The following CHST8 variants were observed in gnomAD, a reference collection of about 807,000 sequenced individuals.
CHST8 encodes GALNAC-4-ST1.
CHST8 carries 10 observed loss-of-function variants against 15.0 expected under a neutral mutation model. The observed-to-expected ratio is 0.67, with a 90% CI of 0.41 to 1.13. The LOEUF (loss-of-function observed/expected upper bound fraction) is 1.13. Ranked by LOEUF, CHST8 falls within the 50% of genes most tolerant of loss-of-function variation. The probability of loss-of-function intolerance (pLI) is 0.00; values close to 1 mark genes in which losing one functional copy is unlikely to be tolerated. For synonymous variants in CHST8, 259 were observed against 256.6 expected (o/e 1.01, Z -0.09); for missense variants, 634 against 608.2 (o/e 1.04, Z -0.45).
At chr19:33,727,124 G>A (rs1284243932) in intron 3 of CHST8, among the ~76,000 whole-genome samples, 1 of 151,830 alleles carries the variant, frequency 6.6e-6, no homozygotes, top group East Asian at 1.9e-4. Context: ...CACGCGTCCT[G>A]CTCCCCAGGT....
chr19:33,654,563 T>C (rs1392162368), intron 1 of CHST8, among the ~76,000 whole-genome samples: 2 of 152,094 alleles, frequency 1.3e-5, no homozygotes, highest in African/African-American at 4.8e-5. Flanking sequence ...GTTCATCAGT[T>C]TGGGACTTAT....
chr19:33,671,801 A>G (rs756909640), intron 2 of CHST8, among the ~76,000 whole-genome samples: 16 of 151,646 alleles, frequency 1.1e-4, no homozygotes, highest in Middle Eastern at 3.2e-3. Context: ...GTGGAATTCT[A>G]TGAGGGCAGG....
rs763896755 is a variant in CHST8 at position 33,626,772 on chromosome 19, C to CT, written c.-164+4485dup. Among the ~76,000 whole-genome samples, 1,358 of 142,138 alleles carry CT rather than the reference C, an allele frequency of 9.6e-3. 13 individuals are homozygous for CT. The highest frequency in any genetic ancestry group is 0.016 in the Non-Finnish European group (1,035 of 65,612). 93.2% of individuals were successfully genotyped at this position (142,138 alleles called of 152,430 possible). A position where few individuals can be genotyped will look rare whatever the true frequency, so the allele number is the denominator to read the frequency against. Reference sequence around the variant, plus strand: ...GCAGAATTGTGAGCCAAATAAGCCGCTTTTTTTTTCCTTTTTTTTTTTTTT... The same window carrying CT: ...GCAGAATTGTGAGCCAAATAAGCCGCTTTTTTTTTTCCTTTTTTTTTTTTTT... On this transcript the variant is annotated intron_variant, in intron 1 of 4. Coordinates refer to ENST00000650847, the MANE Select transcript of CHST8 (RefSeq NM_001127895.2).
Position 33,689,329 on chromosome 19 carries a change from C to T in CHST8, c.68C>T (p.Ala23Val). Reference sequence around the variant, plus strand: ...TCTTCCATCCTGCTGTTCGGAGCTGCAGGCCTCCTCCTCTTCATCAGCCTG... The same window carrying T: ...TCTTCCATCCTGCTGTTCGGAGCTGTAGGCCTCCTCCTCTTCATCAGCCTG... ...MFSSILLFGA[A>V]GLLLFISLQD... The change falls in exon 3 of 5, where the codon GCA becomes GTA. Residue 23 changes from alanine to valine, a missense_variant. Ala to Val is a moderately conservative substitution (Grantham distance 64). Transcript: ENST00000650847. 6.2e-7 allele frequency: 1 copy of T among 1,609,786 alleles called. No individual in the cohort carries two copies. Among genetic ancestry groups the T allele is most frequent in the Non-Finnish European group, 8.5e-7 (1 of 1,178,824 alleles).
At chr19:33,680,681 A>C (rs1269520184) in intron 2 of CHST8, among the ~76,000 whole-genome samples, 3 of 152,278 alleles carry the variant, frequency 2.0e-5, no homozygotes. Flanking sequence ...TGAAAAGTGC[A>C]CAAAGATCAA....
chr19:33,699,749 G>T (rs1973295037), intron 3 of CHST8, among the ~76,000 whole-genome samples: 1 of 152,166 alleles, frequency 6.6e-6, no homozygotes, highest in Admixed American at 6.5e-5. Context: ...TGCGTCCCAG[G>T]GTTACCAGGG....
At chr19:33,667,505 TCC>T (rs2145228337) in intron 1 of CHST8, among the ~76,000 whole-genome samples, 1 of 152,216 alleles carries the variant, frequency 6.6e-6, no homozygotes, top group Admixed American at 6.5e-5. Flanking sequence ...GGTGGCAGGC[TCC>T]CCCAGCTCCT....
At chr19:33,709,847 A>G (rs781619401) in intron 3 of CHST8, among the ~76,000 whole-genome samples, 39 of 152,106 alleles carry the variant, frequency 2.6e-4, no homozygotes, top group Non-Finnish European at 5.0e-4. Context: ...GTGAGACATT[A>G]CTTTTTTTAA....
intron 1 of CHST8, among the ~76,000 whole-genome samples, chr19:33,639,196 C>T (rs1010242397): frequency 6.6e-6 from 1 of 151,610 alleles, no homozygotes; most frequent in African/African-American, 2.4e-5. Flanking sequence ...ATTCGAGATT[C>T]TAGCAGGGGA....
At chr19:33,719,532 G>C (rs1015117807) in intron 3 of CHST8, among the ~76,000 whole-genome samples, 6 of 152,016 alleles carry the variant, frequency 3.9e-5, no homozygotes, top group African/African-American at 1.4e-4. Context: ...CTGGAGAGTG[G>C]CAACCATCCC....
intron 2 of CHST8, among the ~76,000 whole-genome samples, chr19:33,679,835 C>T (rs772744586): frequency 6.6e-5 from 10 of 152,154 alleles, no homozygotes; most frequent in Non-Finnish European, 1.2e-4. Flanking sequence ...GATTTGCTGA[C>T]CACCTGGGGA....
intron 3 of CHST8, among the ~76,000 whole-genome samples, chr19:33,694,088 TTATTCATATATATATATATATATATA>T (rs1350976108): frequency 2.5e-5 from 1 of 40,152 alleles, no homozygotes; most frequent in East Asian, 8.2e-4. Context: ...CTGTTGTAGT[TTATTCATATATATATATATATATATA>T]TATATATATA....
intron 3 of CHST8, among the ~76,000 whole-genome samples, chr19:33,700,967 C>T (rs976849225): frequency 2.0e-5 from 3 of 152,132 alleles, no homozygotes; most frequent in Non-Finnish European, 2.9e-5. Context: ...TAGGCAGGGT[C>T]GGAACATGGA....
chr19:33,753,435 T>TCCATCCTCCCACCACCCACCCA (rs61724198), intron 3 of CHST8, among the ~76,000 whole-genome samples: 1 of 46,848 alleles, frequency 2.1e-5, no homozygotes, highest in Non-Finnish European at 3.9e-5. Context: ...CCACCCACCC[T>TCCATCCTCCCACCACCCACCCA]CCATCCTCCC....
chr19:33,625,098 T>C (rs1012673958), intron 1 of CHST8, among the ~76,000 whole-genome samples: 1 of 152,000 alleles, frequency 6.6e-6, no homozygotes, highest in Non-Finnish European at 1.5e-5. Context: ...CTTTTTTTTT[T>C]TTTTGAGATA....
intron 1 of CHST8, among the ~76,000 whole-genome samples, chr19:33,638,774 C>T (rs1412746367): frequency 6.6e-6 from 1 of 152,216 alleles, no homozygotes; most frequent in Non-Finnish European, 1.5e-5. Flanking sequence ...AGTTCACCTT[C>T]GTGGTTCTCC....
At chr19:33,716,390 A>G (rs1451806966) in intron 3 of CHST8, among the ~76,000 whole-genome samples, 1 of 152,144 alleles carries the variant, frequency 6.6e-6, no homozygotes, top group African/African-American at 2.4e-5. Context: ...TTTTTGAGAC[A>G]GGGTCTCACT....
intron 1 of CHST8, among the ~76,000 whole-genome samples, chr19:33,645,251 A>C (rs1303327549): frequency 2.6e-5 from 4 of 152,212 alleles, no homozygotes; most frequent in African/African-American, 9.7e-5. Context: ...GGCGGGGGAC[A>C]GAGATGTGGG....
chr19:33,736,152 G>T (rs969915712), intron 3 of CHST8, among the ~76,000 whole-genome samples: 1 of 152,202 alleles, frequency 6.6e-6, no homozygotes, highest in South Asian at 2.1e-4. Context: ...GTCTCAGGAT[G>T]CTGTTGAACT....
Sources: gnomAD v4.1 joint callset for allele counts (sites outside exome capture counted in the v4.1 genomes callset) on GRCh38, gnomAD v4.1.1 for gene constraint, MANE v1.5 for transcripts, NCBI Gene and HGNC (gene_info 2026-07-23, HGNC 2026-07-21) for gene names.